The following CAP1 variants were observed in gnomAD, a reference collection of about 807,000 sequenced individuals.
The protein encoded by CAP1 is cyclase associated actin cytoskeleton regulatory protein 1, also known as adenylyl cyclase-associated protein 1.
A neutral mutation model predicts 58.2 loss-of-function variants in CAP1; 11 were observed. The ratio of observed to expected loss-of-function variants is 0.19; its 90% confidence interval spans 0.12 to 0.31. The LOEUF (loss-of-function observed/expected upper bound fraction) is 0.31, where lower values mean the gene tolerates loss of function less well. CAP1 is among the 10% of genes least tolerant of loss of function. CAP1 has a pLI of 1.00. For missense variants in CAP1, 423 were observed against 587.5 expected, an observed-to-expected ratio of 0.72 and a Z score of 2.89; for synonymous variants, 183 against 213.8, an observed-to-expected ratio of 0.86 and a Z score of 1.26.
In CAP1 at chr1:40,064,458, G is replaced by A; in HGVS notation, c.439-16G>A. On this transcript the variant is annotated splice_polypyrimidine_tract_variant and intron_variant, in intron 5 of 12. Transcript: ENST00000372805. ...TTGGAGAGGTCCTGAGTCACTGACAGCTTGTCTCTCTCTAGGCTCCCAAGC... is the reference window on the plus strand; with the variant it reads ...TTGGAGAGGTCCTGAGTCACTGACAACTTGTCTCTCTCTAGGCTCCCAAGC... 1 of 1,612,450 alleles carries A rather than the reference G, an allele frequency of 6.2e-7. No homozygotes were observed.
chr1:40,065,644 G>A (rs1647035359), intron 6 of CAP1, among the ~76,000 whole-genome samples: 1 of 152,288 alleles, frequency 6.6e-6, no homozygotes, highest in African/African-American at 2.4e-5. Context: ...AGAAGAGAGG[G>A]GACTTGAACC....
rs540418717 is a variant in CAP1, at chr1:40,060,007, C to T, written c.113-60C>T. On this transcript the variant is annotated intron_variant, in intron 2 of 12. Transcript: ENST00000372805. ...GCCTCCCCACTTTCATGTAGAAGCA[C>T]GTTTTAAAGAAGCCTCCTTCTGATG... is the stretch of plus-strand genomic sequence containing the variant. 211 of 1,368,358 alleles carry T rather than the reference C, an allele frequency of 1.5e-4. 1 individual carries two copies. Among genetic ancestry groups the T allele is most frequent in the South Asian group, 4.9e-4 (42 of 85,342 alleles). The allele number at this position is 1,368,358 out of a possible 1,614,324, so 84.8% of individuals were successfully genotyped here. A position where few individuals can be genotyped will look rare whatever the true frequency, so the allele number is the denominator to read the frequency against.
chr1:40,059,493 T>C, intron 2 of CAP1, 35 bp downstream of exon 2: 1 of 1,306,370 alleles, frequency 7.7e-7, no homozygotes, highest in Non-Finnish European at 1.1e-6. Context: ...ATGCTTTCTT[T>C]GAGCGTCTTG....
At chr1:40,043,347 G>A (rs938384901) in intron 1 of CAP1, among the ~76,000 whole-genome samples, 6 of 151,980 alleles carry the variant, frequency 3.9e-5, no homozygotes, top group Admixed American at 2.0e-4. Flanking sequence ...ACAGGCGTGC[G>A]CCACCACGCC....
chr1:40,052,432 G>A (rs996063054), intron 1 of CAP1, among the ~76,000 whole-genome samples: 1 of 152,144 alleles, frequency 6.6e-6, no homozygotes, highest in Non-Finnish European at 1.5e-5. Flanking sequence ...TGGGAATCCG[G>A]ACATTCATTT....
At chr1:40,054,250 G>A (rs1646513609) in intron 1 of CAP1, among the ~76,000 whole-genome samples, 1 of 150,396 alleles carries the variant, frequency 6.6e-6, no homozygotes, top group African/African-American at 2.5e-5. Context: ...GAGTGCAGTG[G>A]CGCAATCTCA....
At chr1:40,058,032 T>C (rs1646689421) in intron 1 of CAP1, among the ~76,000 whole-genome samples, 1 of 152,242 alleles carries the variant, frequency 6.6e-6, no homozygotes, top group African/African-American at 2.4e-5. Flanking sequence ...GAACATCTAC[T>C]ACCTGCCAGG....
upstream of CAP1, chr1:40,040,424 G>C (rs1440567581): frequency 6.6e-6 from 1 of 152,394 alleles, no homozygotes. Flanking sequence ...GCTTAGCCAG[G>C]GACTTCTGCC....
At chr1:40,046,773 CTTT>C in intron 1 of CAP1, among the ~76,000 whole-genome samples, 2 of 140,342 alleles carry the variant, frequency 1.4e-5, no homozygotes, top group Admixed American at 7.2e-5. Context: ...TTTATTTAAA[CTTT>C]TTTTTTTTTT....
At chr1:40,046,386 G>A (rs1331114945) in intron 1 of CAP1, among the ~76,000 whole-genome samples, 3 of 152,108 alleles carry the variant, frequency 2.0e-5, no homozygotes, top group Non-Finnish European at 2.9e-5. Context: ...ACCCGGGGAG[G>A]TGGAGGTTGC....
chr1:40,051,515 T>G (rs1646365357), intron 1 of CAP1, among the ~76,000 whole-genome samples: 1 of 151,888 alleles, frequency 6.6e-6, no homozygotes, highest in Non-Finnish European at 1.5e-5. Context: ...AACACACCAT[T>G]GCCCTCCAGC....
At position 40,072,005 on chromosome 1, in the gene CAP1, G is replaced by A. The variant is rs933605202; in HGVS notation, c.*472G>A. 5.4e-5 allele frequency: 22 copies of A among 407,604 alleles called. No individual in the cohort carries two copies. Among genetic ancestry groups the A allele is most frequent in the Admixed American group, 4.1e-4 (10 of 24,656 alleles). The allele number at this position is 407,604 out of a possible 1,614,324, so 25.2% of individuals were successfully genotyped here. A position where few individuals can be genotyped will look rare whatever the true frequency, so the allele number is the denominator to read the frequency against. ...AACTAATTTTTCACTGTTGACAAGC[G>A]AGGCAAGGGTTGCACTGGACCAAAG... is the stretch of plus-strand genomic sequence containing the variant. On this transcript the variant is annotated 3_prime_UTR_variant, in exon 13 of 13. Coordinates refer to ENST00000372805, the MANE Select transcript of CAP1 (RefSeq NM_006367.4).
At chr1:40,053,032 G>A (rs1022117938) in intron 1 of CAP1, among the ~76,000 whole-genome samples, 3 of 152,132 alleles carry the variant, frequency 2.0e-5, no homozygotes, top group Non-Finnish European at 4.4e-5. Flanking sequence ...AGACCATCCT[G>A]GCTAACATGG....
intron 1 of CAP1, among the ~76,000 whole-genome samples, chr1:40,049,269 C>T (rs3131682): frequency 0.56 from 80,917 of 145,086 alleles, 23,744 homozygotes; most frequent in Non-Finnish European, 0.67. Context: ...TCACTGCAAA[C>T]CTCCGCCTCC....
At chr1:40,067,909 C>T (rs1441327006) in intron 8 of CAP1, among the ~76,000 whole-genome samples, 192 bp downstream of exon 8, 2 of 152,214 alleles carry the variant, frequency 1.3e-5, no homozygotes, top group Non-Finnish European at 2.9e-5. Context: ...TGGAGGAAGC[C>T]ATCTGCCCCA....
upstream of CAP1, chr1:40,040,556 G>A (rs1021836705): frequency 3.3e-5 from 5 of 152,650 alleles, no homozygotes; most frequent in African/African-American, 1.2e-4. Flanking sequence ...TCTTTCCCAA[G>A]TGCCCTCTGT....
At chr1:40,047,053 G>C (rs1163377751) in intron 1 of CAP1, among the ~76,000 whole-genome samples, 1 of 152,162 alleles carries the variant, frequency 6.6e-6, no homozygotes, top group East Asian at 1.9e-4. Context: ...TTACAGGCAT[G>C]AGCCATCGCG....
chr1:40,053,363 TGTGGA>T (rs1337881425), intron 1 of CAP1, among the ~76,000 whole-genome samples: 1 of 152,212 alleles, frequency 6.6e-6, no homozygotes, highest in Non-Finnish European at 1.5e-5. Context: ...TAAAAGCCAT[TGTGGA>T]GTAGCAAGAA....
At chr1:40,069,920 A>AT (rs768478870) in intron 9 of CAP1, 46 bp downstream of exon 9, 1 of 1,496,860 alleles carries the variant, frequency 6.7e-7, no homozygotes. Flanking sequence ...TTATTATTTT[A>AT]TTTTTTTGAG....
Sources: allele counts gnomAD v4.1 joint callset (sites outside exome capture counted in the v4.1 genomes callset), GRCh38; gene constraint gnomAD v4.1.1; transcripts MANE v1.5; gene names NCBI Gene and HGNC (gene_info 2026-07-23, HGNC 2026-07-21).